The following NSRP1 variants were observed in gnomAD, a reference collection of about 807,000 sequenced individuals.
The protein encoded by NSRP1 is nuclear speckle splicing regulatory protein 1, also known as coiled-coil domain containing 55.
NSRP1 carries 24 observed loss-of-function variants against 54.7 expected under a neutral mutation model. The ratio of observed to expected loss-of-function variants is 0.44; its 90% CI spans 0.32 to 0.62. The LOEUF is 0.62. NSRP1 is among the 20% of genes least tolerant of loss of function. The pLI is 0.06. For missense variants in NSRP1, 596 were observed against 651.2 expected, an observed-to-expected ratio of 0.92 and a Z score of 0.92; for synonymous variants, 210 against 213.8, an observed-to-expected ratio of 0.98 and a Z score of 0.15.
chr17:30,146,479 T>C (rs57142987), intron 2 of NSRP1, among the ~76,000 whole-genome samples: 4,118 of 152,282 alleles, frequency 0.027, 165 homozygotes, highest in African/African-American at 0.094. Flanking sequence ...TCCTCCCACA[T>C]TGGCCTCCCA....
intron 2 of NSRP1, among the ~76,000 whole-genome samples, chr17:30,146,062 T>A (rs1310750270): frequency 6.6e-6 from 1 of 152,184 alleles, no homozygotes; most frequent in Non-Finnish European, 1.5e-5. Flanking sequence ...TTACTGATGC[T>A]GATCTCGAAC....
chr17:30,177,844 G>T, intron 3 of NSRP1: 1 of 572,680 alleles, frequency 1.7e-6, no homozygotes, highest in Non-Finnish European at 3.1e-6. Flanking sequence ...GGAAATTAAG[G>T]TACCAAAAGA....
In NSRP1 at chr17:30,181,478, C is replaced by T. The variant is rs535540616; in HGVS notation, c.617+462C>T. On this transcript the variant is annotated intron_variant, in intron 6 of 6. Coordinates refer to ENST00000247026, the MANE Select transcript of NSRP1 (RefSeq NM_032141.4). ...AGTACAGTGGTTCAATCATAGCTCA[C>T]TGCAGCCTTTGCCTCATGGGCTCAA... Among the ~76,000 whole-genome samples the T allele has an allele frequency of 8.0e-5, 12 of 149,246 alleles. No homozygotes were observed. The East Asian group carries it at 2.0e-3, about 25-fold the overall frequency.
chr17:30,119,548 G>T (rs942143294), intron 2 of NSRP1, among the ~76,000 whole-genome samples: 2 of 151,262 alleles, frequency 1.3e-5, no homozygotes, highest in Non-Finnish European at 2.9e-5. Context: ...TTTCGCCCAG[G>T]CTGGAGTGCA....
At chr17:30,121,947 C>A (rs1312585428) in intron 2 of NSRP1, among the ~76,000 whole-genome samples, 1 of 152,108 alleles carries the variant, frequency 6.6e-6, no homozygotes, top group East Asian at 1.9e-4. Context: ...ACTGTGTACC[C>A]ATTACCATCA....
intron 2 of NSRP1, 77 bp downstream of exon 2, chr17:30,118,250 C>T: frequency 1.8e-6 from 2 of 1,110,014 alleles, no homozygotes; most frequent in Non-Finnish European, 1.4e-6. Flanking sequence ...ACTCTGATAC[C>T]TTTGCCTTTG....
At chr17:30,136,688 A>G (rs970757805) in intron 2 of NSRP1, among the ~76,000 whole-genome samples, 47 of 152,218 alleles carry the variant, frequency 3.1e-4, no homozygotes, top group Non-Finnish European at 3.1e-4. Flanking sequence ...CAGAGAAATA[A>G]GATGTCATTA....
chr17:30,154,903 T>C (rs1318786253), intron 2 of NSRP1, among the ~76,000 whole-genome samples: 3 of 152,288 alleles, frequency 2.0e-5, no homozygotes, highest in African/African-American at 7.2e-5. Flanking sequence ...TTGGGATTGT[T>C]GGATTAGGGA....
In NSRP1 at chr17:30,180,913, T is replaced by C; in HGVS notation, c.514T>C (p.Leu172=). The C allele has an allele frequency of 1.2e-6, 2 of 1,609,600 alleles. No homozygotes were observed. The change falls in exon 6 of 7, where the codon TTG becomes CTG. Residue 172 remains leucine (L), a synonymous_variant. Coordinates refer to ENST00000247026, the MANE Select transcript of NSRP1 (RefSeq NM_032141.4). ...EKRAAALEAC[L]DVTKQKDLSG... ...TTTTGCTTTCCCTCTGTTAGCATGT[T>C]TGGATGTAACCAAGCAGAAAGATCT... is the stretch of plus-strand genomic sequence containing the variant.
At chr17:30,151,896 A>C (rs2071915018) in intron 2 of NSRP1, among the ~76,000 whole-genome samples, 1 of 147,522 alleles carries the variant, frequency 6.8e-6, no homozygotes, top group Non-Finnish European at 1.5e-5. Context: ...GATTCTCCCA[A>C]GTAGCTGGGA....
intron 2 of NSRP1, among the ~76,000 whole-genome samples, chr17:30,158,717 G>C (rs1308539025): frequency 6.6e-6 from 1 of 152,028 alleles, no homozygotes; most frequent in South Asian, 2.1e-4. Flanking sequence ...ATTGAAGAGG[G>C]TATTCTTTCC....
At chr17:30,180,481 C>G (rs1017541111) in intron 5 of NSRP1, among the ~76,000 whole-genome samples, 1 of 152,160 alleles carries the variant, frequency 6.6e-6, no homozygotes, top group African/African-American at 2.4e-5. Context: ...TAGAAGAAAA[C>G]CAAGTCTATA....
chr17:30,130,628 G>A (rs1286257571), intron 2 of NSRP1, among the ~76,000 whole-genome samples: 1 of 152,032 alleles, frequency 6.6e-6, no homozygotes, highest in Non-Finnish European at 1.5e-5. Flanking sequence ...GGTACTTAAT[G>A]TTCTTATGAG....
rs58666089 is a variant in NSRP1, at chr17:30,171,976, C to CCTCTCTCTCTCTCT, written c.115-540_115-527dup. Among the ~76,000 whole-genome samples, 619 of 80,380 alleles carry CCTCTCTCTCTCTCT rather than the reference C, an allele frequency of 7.7e-3. 13 individuals carry two copies. Among genetic ancestry groups the CCTCTCTCTCTCTCT allele is most frequent in the Non-Finnish European group, 0.011 (441 of 39,822 alleles). 52.7% of individuals were successfully genotyped at this position (80,380 alleles called of 152,430 possible). A position where few individuals can be genotyped will look rare whatever the true frequency, so the allele number is the denominator to read the frequency against. ...CACACACACACACACACACACACTC[C>CCTCTCTCTCTCTCT]CTCTCTCTCTCTCTCTCTCTCTCTC... On this transcript the variant is annotated intron_variant, in intron 2 of 6. Coordinates refer to ENST00000247026, the MANE Select transcript of NSRP1 (RefSeq NM_032141.4).
At chr17:30,165,683 G>A (rs1371056537) in intron 2 of NSRP1, among the ~76,000 whole-genome samples, 2 of 152,150 alleles carry the variant, frequency 1.3e-5, no homozygotes, top group Non-Finnish European at 2.9e-5. Context: ...TCCTACTAAA[G>A]CCACTATCAG....
rs531562999 is a variant in NSRP1, at chr17:30,170,054, C to CCATGT, written c.115-2487_115-2483dup. The stretch of plus-strand genomic sequence containing the variant: ...CAAAATTGAGAGGGACAGAGATAAC[C>CCATGT]CATGTAGCCCTTGCCCCCACAAATG... On this transcript the variant is annotated intron_variant, in intron 2 of 6. Coordinates refer to ENST00000247026, the MANE Select transcript of NSRP1 (RefSeq NM_032141.4). Among the ~76,000 whole-genome samples, 34 of 151,904 alleles carry CCATGT rather than the reference C, an allele frequency of 2.2e-4. 2 individuals are homozygous for CCATGT. The East Asian group carries it at 6.6e-3, about 29-fold the overall frequency.
At chr17:30,122,349 T>TGTGTGTATATATATA (rs1481107161) in intron 2 of NSRP1, 50 of 72,310 alleles carry the variant, frequency 6.9e-4, no homozygotes, top group African/African-American at 2.6e-3. Context: ...ATAACTCTGG[T>TGTGTGTATATATATA]TTCATATATA....
chr17:30,117,741 A>G (rs2071553292), intron 1 of NSRP1, among the ~76,000 whole-genome samples: 1 of 151,426 alleles, frequency 6.6e-6, no homozygotes, highest in African/African-American at 2.4e-5. Flanking sequence ...GACATGAACT[A>G]AACTTTCCAC....
intron 3 of NSRP1, among the ~76,000 whole-genome samples, chr17:30,172,843 A>T (rs1334357191): frequency 6.6e-6 from 1 of 152,052 alleles, no homozygotes; most frequent in Non-Finnish European, 1.5e-5. Flanking sequence ...GCTTACTTGC[A>T]GGGAAAAAAA....
Sources: gnomAD v4.1 joint callset for allele counts (sites outside exome capture counted in the v4.1 genomes callset) on GRCh38, gnomAD v4.1.1 for gene constraint, MANE v1.5 for transcripts, NCBI Gene and HGNC (gene_info 2026-07-23, HGNC 2026-07-21) for gene names.